KLHL3: variants seen among roughly 807,000 people sequenced by gnomAD.
The protein encoded by KLHL3 is kelch like family member 3.
KLHL3 carries 19 observed loss-of-function variants against 70.5 expected under a neutral mutation model. The observed-to-expected ratio is 0.27, with a 90% CI of 0.19 to 0.40. KLHL3 has a LOEUF of 0.40. Ranked by LOEUF, KLHL3 falls within the 10% of genes least tolerant of loss-of-function variation. KLHL3 has a pLI of 1.00. For synonymous variants in KLHL3, 258 were observed against 290.3 expected, an observed-to-expected ratio of 0.89 and a Z score of 1.13; for missense variants, 512 against 771.1, an observed-to-expected ratio of 0.66 and a Z score of 3.98.
intron 1 of KLHL3, 147 bp from the exon 2 acceptor site, chr5:137,720,731 C>G: frequency 6.8e-7 from 1 of 1,463,674 alleles, no homozygotes; most frequent in Non-Finnish European, 9.0e-7. Flanking sequence ...AGACAATGTA[C>G]TGGGAATTTC....
intron 3 of KLHL3, 66 bp downstream of exon 3, chr5:137,709,684 C>A: frequency 7.8e-7 from 1 of 1,283,900 alleles, no homozygotes; most frequent in Admixed American, 1.7e-5. Context: ...ATGTCACCAC[C>A]CCCAACATTC....
At chr5:137,632,847 A>C (rs1255085998) in intron 12 of KLHL3, among the ~76,000 whole-genome samples, 1 of 152,216 alleles carries the variant, frequency 6.6e-6, no homozygotes, top group Non-Finnish European at 1.5e-5. Context: ...CAGGCAAAGG[A>C]TATACATACA....
intron 1 of KLHL3, among the ~76,000 whole-genome samples, chr5:137,722,024 A>C (rs1753006474): frequency 2.6e-5 from 4 of 152,164 alleles, no homozygotes; most frequent in Non-Finnish European, 5.9e-5. Context: ...TACTAGGAAA[A>C]CAGAACCTTC....
intron 10 of KLHL3, among the ~76,000 whole-genome samples, chr5:137,637,615 C>T (rs375949779): frequency 7.0e-4 from 106 of 152,330 alleles, no homozygotes; most frequent in African/African-American, 2.4e-3. Flanking sequence ...AGAGAGTGGG[C>T]TGTGAAAGGA....
At chr5:137,681,729 T>C (rs1752031115) in intron 5 of KLHL3, among the ~76,000 whole-genome samples, 1 of 152,116 alleles carries the variant, frequency 6.6e-6, no homozygotes, top group Non-Finnish European at 1.5e-5. Context: ...ACTTTTCTTA[T>C]CGTTTCGCTT....
In KLHL3 at chr5:137,692,296, T is replaced by A. The variant is rs144507555; in HGVS notation, c.515A>T (p.Asn172Ile). The change falls in exon 5 of 15, where the codon AAT becomes ATT. Residue 172 changes from asparagine (N) to isoleucine (I), a missense_variant. Transcript: ENST00000309755. The stretch of plus-strand genomic sequence containing the variant: ...CGGCTCCCCCTTACCTGCGTAGGCA[T>A]TGGCCTGCTGCAGAAGGTCAGTGCA... ...HTCTDLLQQA[N>I]AYAEQHFPEV... 11 of 1,612,330 alleles carry A rather than the reference T, an allele frequency of 6.8e-6. No homozygotes were observed. In the East Asian group the frequency reaches 2.2e-4, roughly 33 times the overall value.
intron 8 of KLHL3, chr5:137,647,447 T>TTAAAAAAAAAA: frequency 6.6e-6 from 3 of 456,560 alleles, no homozygotes; most frequent in African/African-American, 2.0e-5. Flanking sequence ...CAGGACTACA[T>TTAAAAAAAAAA]AGGTCATTCA....
intron 6 of KLHL3, among the ~76,000 whole-genome samples, chr5:137,665,015 A>G (rs1379545734): frequency 6.6e-6 from 1 of 152,192 alleles, no homozygotes; most frequent in Non-Finnish European, 1.5e-5. Flanking sequence ...TTGTGATTTA[A>G]TTGAAAAGAC....
At position 137,619,255 on chromosome 5, in the gene KLHL3, G is replaced by A. The variant is rs567387181; in HGVS notation, c.*2843C>T. 1.3e-5 allele frequency: 2 copies of A among 152,770 alleles called. No homozygotes were observed. Among genetic ancestry groups the A allele is most frequent in the African/African-American group, 4.8e-5 (2 of 41,586 alleles). 9.5% of individuals were successfully genotyped at this position (152,770 alleles called of 1,614,324 possible). A position where few individuals can be genotyped will look rare whatever the true frequency, so the allele number is the denominator to read the frequency against. ...CTGGCTTGTCGGGAACTAGAATTAA[G>A]TATTCTTATTGCATAGCAGAAAATG... On this transcript the variant is annotated 3_prime_UTR_variant, in exon 15 of 15. Transcript: ENST00000309755.
intron 12 of KLHL3, chr5:137,629,918 G>A (rs1173394063): frequency 6.6e-6 from 1 of 152,146 alleles, no homozygotes; most frequent in Non-Finnish European, 1.5e-5. Context: ...CTGAGGAAGC[G>A]AGCTGCGTTC....
chr5:137,689,494 T>TA (rs1416994040), intron 5 of KLHL3, among the ~76,000 whole-genome samples: 2 of 152,158 alleles, frequency 1.3e-5, no homozygotes, highest in South Asian at 2.1e-4. Context: ...TACGCAGCCA[T>TA]AAAAAAGAAC....
intron 3 of KLHL3, among the ~76,000 whole-genome samples, chr5:137,701,876 T>C (rs1752575751): frequency 6.6e-6 from 1 of 152,226 alleles, no homozygotes; most frequent in Non-Finnish European, 1.5e-5. Context: ...CACCTCAGAC[T>C]CTGAACTTTC....
At chr5:137,653,262 ATAAT>A (rs1751254828) in intron 8 of KLHL3, among the ~76,000 whole-genome samples, 1 of 152,142 alleles carries the variant, frequency 6.6e-6, no homozygotes, top group African/African-American at 2.4e-5. Flanking sequence ...AAAAAAAATA[ATAAT>A]TAATTAGTTA....
At chr5:137,732,094 C>A (rs1753187733) in intron 1 of KLHL3, among the ~76,000 whole-genome samples, 1 of 152,334 alleles carries the variant, frequency 6.6e-6, no homozygotes, top group African/African-American at 2.4e-5. Context: ...AAGCTATCCA[C>A]AAGGCTGATT....
At chr5:137,726,595 T>C (rs1341381142) in intron 1 of KLHL3, among the ~76,000 whole-genome samples, 1 of 152,156 alleles carries the variant, frequency 6.6e-6, no homozygotes, top group Non-Finnish European at 1.5e-5. Flanking sequence ...AACTGGCACA[T>C]AGAATTCTGC....
At chr5:137,698,656 TG>T (rs1321353014) in intron 3 of KLHL3, among the ~76,000 whole-genome samples, 2 of 152,190 alleles carry the variant, frequency 1.3e-5, no homozygotes, top group African/African-American at 4.8e-5. Context: ...ACTTCCATTG[TG>T]AAGGCAAATC....
At chr5:137,726,658 C>A (rs1302907884) in intron 1 of KLHL3, among the ~76,000 whole-genome samples, 1 of 152,128 alleles carries the variant, frequency 6.6e-6, no homozygotes, top group Non-Finnish European at 1.5e-5. Flanking sequence ...ACCTGCCTCA[C>A]ACTAGATTCA....
chr5:137,637,483 A>C, intron 10 of KLHL3, 88 bp from the exon 11 acceptor site: 4 of 1,139,434 alleles, frequency 3.5e-6, no homozygotes, highest in East Asian at 2.5e-5. Flanking sequence ...AGGAGTCCAA[A>C]TGCATGGGCT....
chr5:137,633,157 G>A (rs775935847), intron 12 of KLHL3, among the ~76,000 whole-genome samples: 3 of 151,734 alleles, frequency 2.0e-5, no homozygotes, highest in Non-Finnish European at 2.9e-5. Flanking sequence ...GTGGGTGCCT[G>A]TAGTCCCAGC....
Sources: gnomAD v4.1 joint callset for allele counts (sites outside exome capture counted in the v4.1 genomes callset) on GRCh38, gnomAD v4.1.1 for gene constraint, MANE v1.5 for transcripts, NCBI Gene and HGNC (gene_info 2026-07-23, HGNC 2026-07-21) for gene names.